The following ZPBP variants were observed in gnomAD, a reference collection of about 807,000 sequenced individuals.
ZPBP encodes zona pellucida binding protein, also known as zona pellucida-binding protein 1.
In ZPBP, 26 loss-of-function variants were observed where a neutral mutation model predicts 44.8. That is an observed-to-expected ratio of 0.58 (90% CI 0.43 to 0.81). ZPBP has a LOEUF of 0.81. Ranked by LOEUF, ZPBP falls within the 30% of genes least tolerant of loss-of-function variation. ZPBP has a pLI of 0.00. For missense variants in ZPBP, 409 were observed against 434.0 expected, an observed-to-expected ratio of 0.94 and a Z score of 0.51; for synonymous variants, 174 against 153.2, an observed-to-expected ratio of 1.14 and a Z score of -1.00.
chr7:50,018,965 A>G (rs1186046221), intron 5 of ZPBP, among the ~76,000 whole-genome samples: 1 of 152,050 alleles, frequency 6.6e-6, no homozygotes, highest in Non-Finnish European at 1.5e-5. Context: ...CTGTCTCTGC[A>G]AGATCATCTG....
chr7:49,927,789 C>T (rs1794299677), intron 1 of ZPBP, among the ~76,000 whole-genome samples: 1 of 152,120 alleles, frequency 6.6e-6, no homozygotes, highest in Admixed American at 6.5e-5. Context: ...TGAGTATGAG[C>T]CCACTGCCAC....
At chr7:49,954,956 T>C (rs962796643) in intron 7 of ZPBP, among the ~76,000 whole-genome samples, 2 of 152,162 alleles carry the variant, frequency 1.3e-5, no homozygotes, top group African/African-American at 4.8e-5. Flanking sequence ...TCATAACAAC[T>C]GAAAGGACTG....
chr7:49,859,097 A>C (rs563434187), intron 2 of ZPBP, among the ~76,000 whole-genome samples: 2 of 152,344 alleles, frequency 1.3e-5, no homozygotes, highest in South Asian at 4.1e-4. Context: ...ATACTTATTT[A>C]GGAAGCATAC....
intron 6 of ZPBP, among the ~76,000 whole-genome samples, chr7:49,999,843 A>ACACCC (rs1798018090): frequency 1.3e-5 from 2 of 152,180 alleles, no homozygotes; most frequent in African/African-American, 4.8e-5. Context: ...ACCAGAAATA[A>ACACCC]TGGTGTACCA....
chr7:49,987,629 A>G (rs973839615), intron 6 of ZPBP, among the ~76,000 whole-genome samples: 1 of 152,074 alleles, frequency 6.6e-6, no homozygotes, highest in African/African-American at 2.4e-5. Context: ...TTAGCCTTAG[A>G]GAGTTCCATC....
intron 2 of ZPBP, among the ~76,000 whole-genome samples, chr7:49,852,637 G>A (rs1790227102): frequency 6.6e-6 from 1 of 152,150 alleles, no homozygotes; most frequent in African/African-American, 2.4e-5. Context: ...GGTGCAAGGT[G>A]ATGTCTCACC....
chr7:49,947,910 G>A (rs933069606), intron 7 of ZPBP, among the ~76,000 whole-genome samples: 2 of 152,164 alleles, frequency 1.3e-5, no homozygotes, highest in Admixed American at 6.6e-5. Context: ...AAAGCTTCAA[G>A]ACAAAGTCTT....
chr7:49,853,040 C>T (rs1446514663), intron 2 of ZPBP, among the ~76,000 whole-genome samples: 2 of 152,242 alleles, frequency 1.3e-5, no homozygotes, highest in Non-Finnish European at 2.9e-5. Flanking sequence ...AACAGCTGCA[C>T]CAAGGACAGA....
intron 2 of ZPBP, among the ~76,000 whole-genome samples, chr7:49,863,457 A>C (rs1165640541): frequency 6.6e-6 from 1 of 151,962 alleles, no homozygotes. Context: ...TTTTGAGACA[A>C]GATCTCACTC....
At chr7:49,955,284 C>G (rs181735554) in intron 7 of ZPBP, among the ~76,000 whole-genome samples, 12 of 152,244 alleles carry the variant, frequency 7.9e-5, no homozygotes, top group Admixed American at 7.9e-4. Flanking sequence ...AAGGGCCAGA[C>G]GCAGTGGCTC....
intron 7 of ZPBP, among the ~76,000 whole-genome samples, chr7:49,973,772 T>C (rs1226073069): frequency 1.3e-5 from 2 of 152,142 alleles, no homozygotes; most frequent in African/African-American, 4.8e-5. Flanking sequence ...TGGAAAAGTT[T>C]GACCTCTCAT....
intron 2 of ZPBP, among the ~76,000 whole-genome samples, chr7:49,897,264 T>A (rs1403122045): frequency 6.6e-6 from 1 of 152,190 alleles, no homozygotes; most frequent in East Asian, 1.9e-4. Flanking sequence ...TTAATTAGTA[T>A]CCTTAAATCT....
intron 1 of ZPBP, among the ~76,000 whole-genome samples, chr7:49,905,752 G>A (rs1793051867): frequency 6.6e-6 from 1 of 152,146 alleles, no homozygotes; most frequent in South Asian, 2.1e-4. Flanking sequence ...TCTAAGTCAC[G>A]AGATAGGATG....
intron 2 of ZPBP, among the ~76,000 whole-genome samples, chr7:49,853,086 T>C (rs2128717258): frequency 6.6e-6 from 1 of 152,368 alleles, no homozygotes; most frequent in Non-Finnish European, 1.5e-5. Flanking sequence ...GCCCAGCTCT[T>C]GCTGCAGGCT....
intron 2 of ZPBP, among the ~76,000 whole-genome samples, chr7:49,886,736 T>G (rs1042104026): frequency 3.3e-5 from 5 of 152,234 alleles, no homozygotes; most frequent in African/African-American, 1.2e-4. Flanking sequence ...GATGCATTGT[T>G]TAAAATTAAT....
At chr7:49,911,846 G>A (rs1404050773) in intron 1 of ZPBP, among the ~76,000 whole-genome samples, 1 of 151,686 alleles carries the variant, frequency 6.6e-6, no homozygotes, top group Non-Finnish European at 1.5e-5. Flanking sequence ...GCAGTGAGCC[G>A]AGATCGTGCC....
chr7:49,974,357 T>G (rs1016194104), intron 7 of ZPBP, among the ~76,000 whole-genome samples: 1 of 151,990 alleles, frequency 6.6e-6, no homozygotes, highest in Admixed American at 6.5e-5. Flanking sequence ...AATGAGAAAG[T>G]TTGGGCAGGA....
At chr7:49,881,704 T>C (rs1791669771) in intron 2 of ZPBP, among the ~76,000 whole-genome samples, 1 of 152,198 alleles carries the variant, frequency 6.6e-6, no homozygotes, top group Non-Finnish European at 1.5e-5. Context: ...TTTGGTTAGA[T>C]TTCTAGTAGA....
intron 2 of ZPBP, among the ~76,000 whole-genome samples, chr7:49,881,203 C>T (rs1203304224): frequency 5.9e-5 from 9 of 152,012 alleles, no homozygotes; most frequent in African/African-American, 1.2e-4. Flanking sequence ...GAGCTTGAGC[C>T]GAGAGGAGGA....
Sources: allele counts gnomAD v4.1 joint callset (sites outside exome capture counted in the v4.1 genomes callset), GRCh38; gene constraint gnomAD v4.1.1; transcripts MANE v1.5; gene names NCBI Gene and HGNC (gene_info 2026-07-23, HGNC 2026-07-21).